LITAF: variants seen among roughly 807,000 people sequenced by gnomAD.
LITAF encodes lipopolysaccharide induced TNF factor.
In LITAF, 9 loss-of-function variants were observed where a neutral mutation model predicts 14.5. The observed-to-expected ratio is 0.62, with a 90% CI of 0.37 to 1.08. The LOEUF is 1.08. Among genes scored for constraint, LITAF ranks in the 50% least tolerant of loss-of-function variants. LITAF has a pLI of 0.01. For synonymous variants in LITAF, 98 were observed against 88.2 expected (o/e 1.11, Z -0.62); for missense variants, 206 against 213.4 (o/e 0.97, Z 0.22).
chr16:11,629,813 A>C (rs749266534), intron 3 of LITAF, among the ~76,000 whole-genome samples: 9 of 152,266 alleles, frequency 5.9e-5, no homozygotes, highest in Non-Finnish European at 1.2e-4. Flanking sequence ...AGGGGCGCGC[A>C]GCTCATGGAG....
chr16:11,638,640 G>T (rs1425024715), upstream of LITAF, among the ~76,000 whole-genome samples: 1 of 139,260 alleles, frequency 7.2e-6, no homozygotes, highest in Non-Finnish European at 1.5e-5. Context: ...GGTGGAGGTT[G>T]CAGTGAGCTG....
chr16:11,593,758 A>G (rs1359632897), intron 1 of LITAF, among the ~76,000 whole-genome samples: 1 of 152,242 alleles, frequency 6.6e-6, no homozygotes, highest in Non-Finnish European at 1.5e-5. Flanking sequence ...CAAAAACCAC[A>G]TATCTATTAT....
intron 3 of LITAF, among the ~76,000 whole-genome samples, chr16:11,618,435 G>C (rs2065030406): frequency 2.0e-5 from 3 of 152,218 alleles, no homozygotes; most frequent in African/African-American, 4.8e-5. Flanking sequence ...GTGGGACTGA[G>C]TCCTTTGACC....
rs1240454107 is a variant in LITAF, at chr16:11,632,787, C to T, written c.85+746G>A. Among the ~76,000 whole-genome samples, 4 of 152,314 alleles carry T rather than the reference C, an allele frequency of 2.6e-5. No individual in the cohort carries two copies. Among genetic ancestry groups the T allele is most frequent in the African/African-American group, 4.8e-5 (2 of 41,572 alleles). On this transcript the variant is annotated intron_variant, in intron 3 of 3. Coordinates refer to the LITAF transcript ENST00000574848. This position sits in a 1 kb window ranked among gnomAD's most constrained non-coding sequence, Gnocchi z 4.8. ...ATGACTATGTGGTGCCCTCAGCCCC[C>T]GCACGGGTCAGAGTTTTCCGTGTGC...
At chr16:11,560,616 T>A (rs145629237) in intron 1 of LITAF, among the ~76,000 whole-genome samples, 277 of 152,032 alleles carry the variant, frequency 1.8e-3, no homozygotes, top group African/African-American at 6.4e-3. Context: ...TAAAAAATTT[T>A]AAATGATGTA....
In LITAF at chr16:11,549,457, C is replaced by A; in HGVS notation, c.*180G>T. On this transcript the variant is annotated 3_prime_UTR_variant, in exon 4 of 4. Coordinates refer to ENST00000622633, the MANE Select transcript of LITAF (RefSeq NM_001136472.2). The surrounding 1 kb of genome is among the most constrained non-coding windows in gnomAD (Gnocchi z 4.6). ...AAGTCCTATGCACGACTCCAAGCAG[C>A]AATTTCTGGGGTTTGGAGATTTGTT... 3.0e-6 allele frequency: 2 copies of A among 661,552 alleles called. No individual in the cohort carries two copies. Among genetic ancestry groups the A allele is most frequent in the Non-Finnish European group, 5.6e-6 (2 of 358,816 alleles). The allele number at this position is 661,552 out of a possible 1,614,324, so 41.0% of individuals were successfully genotyped here.
intron 1 of LITAF, among the ~76,000 whole-genome samples, chr16:11,569,993 G>A (rs145979663): frequency 7.9e-4 from 119 of 149,978 alleles, no homozygotes; most frequent in African/African-American, 2.6e-3. Context: ...ACGCACTGCT[G>A]CACTCCCGCC....
At chr16:11,563,721 G>A (rs2064408961) in intron 1 of LITAF, among the ~76,000 whole-genome samples, 1 of 152,068 alleles carries the variant, frequency 6.6e-6, no homozygotes, top group Admixed American at 6.6e-5. Flanking sequence ...AGCCGAGGAT[G>A]GAAAGTCACA....
chr16:11,632,702 C>A lies in LITAF; in HGVS notation c.85+831G>T, dbSNP rs1038378791. On this transcript the variant is annotated intron_variant, in intron 3 of 3. Coordinates refer to the LITAF transcript ENST00000574848. The surrounding 1 kb of genome is among the most constrained non-coding windows in gnomAD (Gnocchi z 4.8). ...GCAGATGCCACCCAGGCCCTTCTTT[C>A]GGTTCTGCAAATGCCACTGGCTCTG... Among the ~76,000 whole-genome samples the A allele has an allele frequency of 6.6e-5, 10 of 152,220 alleles. No homozygotes were observed. The highest frequency in any genetic ancestry group is 1.3e-4 in the Non-Finnish European group (9 of 68,050).
chr16:11,577,891 A>T lies in LITAF; in HGVS notation c.-6+8995T>A, dbSNP rs140256653. Among the ~76,000 whole-genome samples, 42 of 151,586 alleles carry T rather than the reference A, an allele frequency of 2.8e-4. 1 individual carries two copies. The highest frequency in any genetic ancestry group is 9.9e-4 in the African/African-American group (41 of 41,342). ...AGGTGTGCATCAACAAGCCCAGCTA[A>T]TTTTCTATTTTTTGTAGAGATGGGG... On this transcript the variant is annotated intron_variant, in intron 1 of 3. Coordinates refer to ENST00000622633, the MANE Select transcript of LITAF (RefSeq NM_001136472.2).
At chr16:11,597,199 G>A (rs1166126480) in intron 1 of LITAF, among the ~76,000 whole-genome samples, 1 of 152,096 alleles carries the variant, frequency 6.6e-6, no homozygotes, top group African/African-American at 2.4e-5. Flanking sequence ...TAGGAGCAGG[G>A]GAGGAAAAAT....
chr16:11,631,669 C>T (rs956594843), intron 3 of LITAF, among the ~76,000 whole-genome samples: 13 of 152,120 alleles, frequency 8.5e-5, no homozygotes, highest in African/African-American at 2.4e-4. Flanking sequence ...GGATTACAGG[C>T]GTGAGCCATG....
chr16:11,589,617 T>G (rs2064836182), upstream of LITAF, among the ~76,000 whole-genome samples: 1 of 138,012 alleles, frequency 7.2e-6, no homozygotes, highest in South Asian at 2.3e-4. Flanking sequence ...AAAAATCAGT[T>G]GCTTTTTTTT....
intron 1 of LITAF, among the ~76,000 whole-genome samples, chr16:11,593,672 A>G (rs2064862927): frequency 6.6e-6 from 1 of 152,170 alleles, no homozygotes; most frequent in Non-Finnish European, 1.5e-5. Context: ...ATTTGGCCAT[A>G]AAAAGGAACA....
intron 3 of LITAF, among the ~76,000 whole-genome samples, chr16:11,623,669 AAAG>A (rs2065065137): frequency 6.8e-6 from 1 of 147,988 alleles, no homozygotes. Context: ...CAAAAAAAAA[AAAG>A]GATCTCTCTC....
At chr16:11,567,707 G>A (rs537572742) in intron 1 of LITAF, among the ~76,000 whole-genome samples, 12 of 152,052 alleles carry the variant, frequency 7.9e-5, no homozygotes, top group Non-Finnish European at 1.3e-4. Context: ...GTTCCAGGCC[G>A]GGCATGGTGG....
At chr16:11,635,246 G>C (rs2065133748) in intron 2 of LITAF, among the ~76,000 whole-genome samples, 1 of 152,136 alleles carries the variant, frequency 6.6e-6, no homozygotes, top group African/African-American at 2.4e-5. Flanking sequence ...AGAGCATAAA[G>C]ACAGATGCAC....
Position 11,553,600 on chromosome 16 carries a change from C to A in LITAF, c.310G>T (p.Val104Leu), listed in dbSNP as rs373445989. 6.2e-7 allele frequency: 1 copy of A among 1,614,094 alleles called. No homozygotes were observed. Among genetic ancestry groups the A allele is most frequent in the Non-Finnish European group, 8.5e-7 (1 of 1,180,016 alleles). Residue 104 changes from valine (V) to leucine (L), a missense_variant, in exon 3 of 4, where the codon GTG (valine) becomes TTG (leucine). Transcript: ENST00000622633. The surrounding 1 kb of genome is among the most constrained non-coding windows in gnomAD (Gnocchi z 7.7). ...MCCPSCNKMI[V>L]SQLSYNAGAL... ...CCGGCGTTATAGGACAGCTGACTCA[C>A]GATCATCTTGTTGCAGGAAGGACAA...
upstream of LITAF, among the ~76,000 whole-genome samples, chr16:11,636,783 A>G (rs2065140041): frequency 1.3e-5 from 2 of 152,206 alleles, no homozygotes; most frequent in Non-Finnish European, 2.9e-5. Context: ...CTTTGTCAGA[A>G]AAGAAATGAT....
Sources: allele counts gnomAD v4.1 joint callset (sites outside exome capture counted in the v4.1 genomes callset), GRCh38; gene constraint gnomAD v4.1.1; non-coding constraint Gnocchi (gnomAD v3.1); transcripts MANE v1.5; gene names NCBI Gene and HGNC (gene_info 2026-07-23, HGNC 2026-07-21).